CDKL2: variants seen among roughly 807,000 people sequenced by gnomAD.
CDKL2 encodes cyclin-dependent kinase-like 2.
In CDKL2, 64 loss-of-function variants were observed where a neutral mutation model predicts 63.9. The ratio of observed to expected loss-of-function variants is 1.00; its 90% CI spans 0.82 to 1.23. The LOEUF (loss-of-function observed/expected upper bound fraction) is 1.23, where lower values mean the gene tolerates loss of function less well. CDKL2 is among the 50% of genes most tolerant of loss of function. The probability of loss-of-function intolerance (pLI) is 0.00; values close to 1 mark genes in which losing one functional copy is unlikely to be tolerated. For missense variants in CDKL2, 656 were observed against 668.0 expected (o/e 0.98, Z 0.20); for synonymous variants, 211 against 229.2 (o/e 0.92, Z 0.72).
At chr4:75,625,236 TTATATGGTG>T (rs1347649219) in intron 2 of CDKL2, among the ~76,000 whole-genome samples, 2 of 152,168 alleles carry the variant, frequency 1.3e-5, no homozygotes, top group Non-Finnish European at 2.9e-5. Flanking sequence ...AAATAAATTC[TTATATGGTG>T]TATACTCAGA....
At chr4:75,621,184 C>A (rs933873566) in intron 2 of CDKL2, among the ~76,000 whole-genome samples, 1 of 151,878 alleles carries the variant, frequency 6.6e-6, no homozygotes, top group South Asian at 2.1e-4. Context: ...GATCCGCCCA[C>A]CTTGGCCTCC....
intron 2 of CDKL2, among the ~76,000 whole-genome samples, chr4:75,618,100 C>CAAAAA (rs1297914975): frequency 1.4e-5 from 1 of 73,866 alleles, no homozygotes; most frequent in African/African-American, 5.8e-5. Context: ...GACTCTGTCT[C>CAAAAA]AAAAAAAAAA....
chr4:75,589,303 T>G (rs1463311128), intron 12 of CDKL2, among the ~76,000 whole-genome samples: 3 of 135,722 alleles, frequency 2.2e-5, no homozygotes, highest in African/African-American at 8.4e-5. Flanking sequence ...TAGTTTCTTT[T>G]TTTTTTTTTT....
chr4:75,581,396 C>T (rs761768672), intron 13 of CDKL2, among the ~76,000 whole-genome samples: 5 of 152,176 alleles, frequency 3.3e-5, no homozygotes, highest in Admixed American at 6.5e-5. Context: ...TGTAAGTAAA[C>T]TGTGATGTTA....
chr4:75,596,028 GGAAGAAA>G, intron 10 of CDKL2: 1 of 48,254 alleles, frequency 2.1e-5, no homozygotes, highest in East Asian at 4.1e-4. Flanking sequence ...AAGGAAGGAA[GGAAGAAA>G]GGAAGGAAGG....
intron 2 of CDKL2, among the ~76,000 whole-genome samples, chr4:75,625,240 A>G (rs1320028546): frequency 6.6e-6 from 1 of 152,188 alleles, no homozygotes; most frequent in Non-Finnish European, 1.5e-5. Flanking sequence ...AAATTCTTAT[A>G]TGGTGTATAC....
Position 75,576,902 on chromosome 4 carries a change from T to C in CDKL2, c.*2300A>G, listed in dbSNP as rs1728045781. Among the ~76,000 whole-genome samples the C allele has an allele frequency of 6.6e-6, 1 of 152,202 alleles. No homozygotes were observed. The highest frequency in any genetic ancestry group is 1.5e-5 in the Non-Finnish European group (1 of 68,028). On this transcript the variant is annotated 3_prime_UTR_variant, in exon 14 of 14. Coordinates refer to ENST00000307465, the MANE Select transcript of CDKL2 (RefSeq NM_001330724.2). ...GAAAACCAGGTTCTGTCACAACTATTACCAGTTAGTCTTTATAAGAAATGT... is the reference window on the plus strand; with the variant it reads ...GAAAACCAGGTTCTGTCACAACTATCACCAGTTAGTCTTTATAAGAAATGT...
At position 75,596,139 on chromosome 4, in the gene CDKL2, A is replaced by T. The variant is rs1728922360; in HGVS notation, c.1416+108T>A. On this transcript the variant is annotated intron_variant, in intron 10 of 13. Coordinates refer to ENST00000307465, the MANE Select transcript of CDKL2 (RefSeq NM_001330724.2). ...ATATGCACAATTAAGGTTTCACTTT[A>T]TGTGTATCCAAACAAAATTCTCAAT... 38 of 664,602 alleles carry T rather than the reference A, an allele frequency of 5.7e-5. No homozygotes were observed. In the South Asian group the frequency reaches 7.0e-4, roughly 12 times the overall value. 41.2% of individuals were successfully genotyped at this position (664,602 alleles called of 1,614,324 possible).
intron 2 of CDKL2, among the ~76,000 whole-genome samples, chr4:75,623,966 C>T (rs571493198): frequency 3.3e-5 from 5 of 150,864 alleles, no homozygotes; most frequent in African/African-American, 9.7e-5. Flanking sequence ...AAACCCCATC[C>T]CTACTAAAAA....
intron 12 of CDKL2, among the ~76,000 whole-genome samples, chr4:75,586,345 C>G (rs902193393): frequency 1.3e-5 from 2 of 151,900 alleles, no homozygotes; most frequent in African/African-American, 4.8e-5. Context: ...CCTGCCTCAG[C>G]CTCCCGAGTA....
At chr4:75,604,912 A>G (rs897058743) in intron 5 of CDKL2, among the ~76,000 whole-genome samples, 4 of 151,850 alleles carry the variant, frequency 2.6e-5, no homozygotes. Flanking sequence ...GAGGCAGGAG[A>G]ATCGCTTGAA....
intron 7 of CDKL2, among the ~76,000 whole-genome samples, chr4:75,598,425 T>C (rs1272747873): frequency 6.6e-6 from 1 of 152,060 alleles, no homozygotes; most frequent in East Asian, 1.9e-4. Flanking sequence ...ACAAAGTCAA[T>C]GCTATTATTT....
intron 2 of CDKL2, among the ~76,000 whole-genome samples, chr4:75,625,408 A>G (rs1410247075): frequency 6.6e-6 from 1 of 152,184 alleles, no homozygotes; most frequent in Non-Finnish European, 1.5e-5. Flanking sequence ...CAAAATTTCC[A>G]GGATACATAC....
At chr4:75,587,535 C>T (rs184500647) in intron 12 of CDKL2, among the ~76,000 whole-genome samples, 314 of 151,928 alleles carry the variant, frequency 2.1e-3, no homozygotes, top group African/African-American at 7.0e-3. Flanking sequence ...TTGTATGACA[C>T]GAACAAAAGG....
Position 75,596,287 on chromosome 4 carries a change from T to G in CDKL2, c.1376A>C (p.His459Pro). The G allele has an allele frequency of 6.2e-7, 1 of 1,612,748 alleles. No individual in the cohort carries two copies. Among genetic ancestry groups the G allele is most frequent in the South Asian group, 1.1e-5 (1 of 91,050 alleles). ...AATGTTATAAATGCCTGATGGGGAA[T>G]GTCTGTTCGGTTTAACAAATGGAAT... ...CSIPFVKPNR[H>P]SPSGIYNINV... Residue 459 changes from histidine (H) to proline (P), a missense_variant, in exon 10 of 14, where the codon CAT becomes CCT. By Grantham distance (77) the His-to-Pro change is moderately conservative. Transcript: ENST00000307465.
intron 12 of CDKL2, among the ~76,000 whole-genome samples, chr4:75,590,033 G>C (rs1259668558): frequency 1.3e-5 from 2 of 151,186 alleles, no homozygotes; most frequent in Non-Finnish European, 2.9e-5. Flanking sequence ...CAGGTGTGTT[G>C]GTGCACTCCC....
chr4:75,615,492 A>G (rs951247092), intron 2 of CDKL2, among the ~76,000 whole-genome samples: 9 of 152,222 alleles, frequency 5.9e-5, no homozygotes, highest in African/African-American at 2.2e-4. Flanking sequence ...AGAAAATCCA[A>G]GTATGATCCA....
chr4:75,605,162 T>C (rs1463774163), intron 5 of CDKL2, among the ~76,000 whole-genome samples: 1 of 152,208 alleles, frequency 6.6e-6, no homozygotes, highest in Non-Finnish European at 1.5e-5. Context: ...GAGTCCAGAC[T>C]GACCAACATG....
intron 12 of CDKL2, among the ~76,000 whole-genome samples, chr4:75,588,496 A>G (rs1728572209): frequency 6.6e-6 from 1 of 152,192 alleles, no homozygotes; most frequent in Admixed American, 6.5e-5. Flanking sequence ...AAGTACAAAT[A>G]TTAAATTATA....
Sources: gnomAD v4.1 joint callset for allele counts (sites outside exome capture counted in the v4.1 genomes callset) on GRCh38, gnomAD v4.1.1 for gene constraint, MANE v1.5 for transcripts, NCBI Gene and HGNC (gene_info 2026-07-23, HGNC 2026-07-21) for gene names.